The following CALN1 variants were observed in gnomAD, a reference collection of about 807,000 sequenced individuals.
The protein encoded by CALN1 is calcium-binding protein 8.
A neutral mutation model predicts 30.6 loss-of-function variants in CALN1; 17 were observed. The ratio of observed to expected loss-of-function variants is 0.56; its 90% CI spans 0.38 to 0.83. CALN1 has a LOEUF of 0.83. Ranked by LOEUF, CALN1 falls within the 40% of genes least tolerant of loss-of-function variation. The probability of loss-of-function intolerance (pLI) is 0.00; values close to 1 mark genes in which losing one functional copy is unlikely to be tolerated. For missense variants in CALN1, 291 were observed against 354.9 expected, an observed-to-expected ratio of 0.82 and a Z score of 1.45; for synonymous variants, 156 against 131.4, an observed-to-expected ratio of 1.19 and a Z score of -1.28.
At chr7:71,909,382 C>G (rs1399483408) in intron 5 of CALN1, among the ~76,000 whole-genome samples, 1 of 151,898 alleles carries the variant, frequency 6.6e-6, no homozygotes, top group Non-Finnish European at 1.5e-5. Flanking sequence ...TGCAAGGATT[C>G]ACATATGTTT....
intron 5 of CALN1, among the ~76,000 whole-genome samples, chr7:71,906,094 C>CA (rs1584485683): frequency 6.6e-6 from 1 of 152,302 alleles, no homozygotes; most frequent in East Asian, 1.9e-4. Context: ...GTTCCTCCCT[C>CA]AATATCTGGG....
chr7:72,140,345 AG>A (rs1809827453), intron 3 of CALN1, among the ~76,000 whole-genome samples: 2 of 13,244 alleles, frequency 1.5e-4, no homozygotes, highest in African/African-American at 2.4e-3. Flanking sequence ...GAAGGAAGGG[AG>A]GGAGGGAGGG....
chr7:71,833,576 AG>A (rs1355675975), intron 5 of CALN1, among the ~76,000 whole-genome samples: 2 of 92,296 alleles, frequency 2.2e-5, no homozygotes, highest in Non-Finnish European at 5.5e-5. Flanking sequence ...AACATGGTAA[AG>A]AAAAAAAAAA....
chr7:72,430,905 T>G (rs1807952017), intron 1 of CALN1, among the ~76,000 whole-genome samples: 1 of 151,918 alleles, frequency 6.6e-6, no homozygotes. Flanking sequence ...TATCTCAAAA[T>G]TCCTCGCCCA....
chr7:72,354,859 A>G (rs1026314862), intron 2 of CALN1, among the ~76,000 whole-genome samples: 1 of 150,616 alleles, frequency 6.6e-6, no homozygotes, highest in African/African-American at 2.4e-5. Context: ...CCAGGAGAAA[A>G]TTTTTGAGAA....
At chr7:72,365,125 T>C (rs1008694077) in intron 2 of CALN1, among the ~76,000 whole-genome samples, 5 of 152,116 alleles carry the variant, frequency 3.3e-5, no homozygotes, top group African/African-American at 1.2e-4. Flanking sequence ...GCCAGCATGG[T>C]GAAACCCAGT....
At position 72,018,193 on chromosome 7, in the gene CALN1, G is replaced by A. The variant is rs17144240; in HGVS notation, c.501+5464C>T. ...CTTGGGGACATCTACTGTATCATAAGCCTCTTATTCTTGGATACAAGTAGG... is the reference window on the plus strand; with the variant it reads ...CTTGGGGACATCTACTGTATCATAAACCTCTTATTCTTGGATACAAGTAGG... On this transcript the variant is annotated intron_variant, in intron 5 of 6. Transcript: ENST00000395275. Among the ~76,000 whole-genome samples the A allele has an allele frequency of 0.031, 4,708 of 152,130 alleles. 345 individuals carry two copies. The East Asian group carries it at 0.33, about 11-fold the overall frequency.
At chr7:72,463,840 C>A in the CALN1 span, among the ~76,000 whole-genome samples, 2 of 151,984 alleles carry the variant, frequency 1.3e-5, no homozygotes, top group Admixed American at 1.3e-4. Flanking sequence ...AGATTACAGG[C>A]GTGAGCCACT....
intron 5 of CALN1, among the ~76,000 whole-genome samples, chr7:71,943,599 T>A (rs1796247634): frequency 1.4e-5 from 1 of 70,254 alleles, no homozygotes; most frequent in South Asian, 6.0e-4. Context: ...TGTTATCACA[T>A]GGGCTAATTT....
In CALN1 at chr7:72,350,015, G is replaced by A. The variant is rs73131455; in HGVS notation, c.119+53236C>T. On this transcript the variant is annotated intron_variant, in intron 2 of 6. Coordinates refer to ENST00000395275, the MANE Select transcript of CALN1 (RefSeq NM_031468.4). ...TCATTAAATCTTTGTCAGGATCTAC[G>A]TCCAGAATGGTATCTTCTAGGTTTC... Among the ~76,000 whole-genome samples, 655 of 152,160 alleles carry A rather than the reference G, an allele frequency of 4.3e-3. 2 individuals are homozygous for A. The highest frequency in any genetic ancestry group is 6.7e-3 in the Non-Finnish European group (455 of 67,988).
intron 5 of CALN1, among the ~76,000 whole-genome samples, chr7:71,924,434 A>G (rs905383895): frequency 6.9e-6 from 1 of 145,084 alleles, no homozygotes; most frequent in Non-Finnish European, 1.6e-5. Flanking sequence ...GAATGTTTAT[A>G]TATTACTTTC....
intron 1 of CALN1, among the ~76,000 whole-genome samples, chr7:72,440,272 T>C (rs1012821255): frequency 6.6e-6 from 1 of 152,242 alleles, no homozygotes; most frequent in African/African-American, 2.4e-5. Context: ...AACCCAAAGA[T>C]GTATTCACCC....
At chr7:72,417,372 A>G (rs1807456557) in intron 1 of CALN1, among the ~76,000 whole-genome samples, 1 of 152,192 alleles carries the variant, frequency 6.6e-6, no homozygotes, top group Non-Finnish European at 1.5e-5. Flanking sequence ...GGTTGCAGGA[A>G]CCACAACCAG....
At chr7:72,486,615 C>T in the CALN1 span, among the ~76,000 whole-genome samples, 73 of 152,084 alleles carry the variant, frequency 4.8e-4, no homozygotes, top group Non-Finnish European at 8.5e-4. Flanking sequence ...TCAAGTAATC[C>T]GCCTGCCTTG....
chr7:72,092,698 A>T (rs1805955851), intron 4 of CALN1, among the ~76,000 whole-genome samples: 1 of 149,676 alleles, frequency 6.7e-6, no homozygotes, highest in Admixed American at 6.7e-5. Flanking sequence ...TTCACCAAGT[A>T]TTTCTACTTT....
intron 3 of CALN1, among the ~76,000 whole-genome samples, chr7:72,202,718 T>C (rs1791529724): frequency 6.6e-6 from 1 of 152,322 alleles, no homozygotes; most frequent in South Asian, 2.1e-4. Context: ...TTGGCTGTTT[T>C]TGCTTTGAGA....
chr7:71,906,622 G>C (rs1794151312), intron 5 of CALN1, among the ~76,000 whole-genome samples: 1 of 152,148 alleles, frequency 6.6e-6, no homozygotes, highest in African/African-American at 2.4e-5. Context: ...TGACAAGCTT[G>C]ATGTAGTCAA....
intron 2 of CALN1, among the ~76,000 whole-genome samples, chr7:72,393,721 T>C (rs1306816513): frequency 6.6e-6 from 1 of 150,760 alleles, no homozygotes; most frequent in African/African-American, 2.4e-5. Flanking sequence ...GAGTCGGCCA[T>C]TTAGCTTATT....
intron 5 of CALN1, 39 bp downstream of exon 5, chr7:72,023,618 A>T: frequency 6.8e-7 from 1 of 1,471,942 alleles, no homozygotes; most frequent in Non-Finnish European, 9.5e-7. Flanking sequence ...AGACACATTT[A>T]CTGTCAAACT....
Sources: allele counts gnomAD v4.1 joint callset (sites outside exome capture counted in the v4.1 genomes callset), GRCh38; gene constraint gnomAD v4.1.1; transcripts MANE v1.5; gene names NCBI Gene and HGNC (gene_info 2026-07-23, HGNC 2026-07-21).